Variants in AFF3 observed in about 807,000 individuals in gnomAD.
AFF3 encodes ALF transcription elongation factor 3, also known as AF4/FMR2 family member 3.
Under a neutral mutation model 129.7 loss-of-function variants are expected in AFF3, and 32 were observed. The ratio of observed to expected loss-of-function variants is 0.25; its 90% CI spans 0.19 to 0.33. The LOEUF (loss-of-function observed/expected upper bound fraction) is 0.33. AFF3 is among the 10% of genes least tolerant of loss of function. The pLI is 1.00. For synonymous variants in AFF3, 644 were observed against 635.4 expected, an observed-to-expected ratio of 1.01 and a Z score of -0.20; for missense variants, 1,373 against 1,592.0, an observed-to-expected ratio of 0.86 and a Z score of 2.34.
chr2:99,989,680 G>C (rs1022652648), intron 7 of AFF3, among the ~76,000 whole-genome samples: 1 of 152,062 alleles, frequency 6.6e-6, no homozygotes, highest in Admixed American at 6.6e-5. Context: ...GTGAATCATG[G>C]GCTCAGGTTT....
At chr2:99,713,962 A>G (rs1678147907) in intron 11 of AFF3, among the ~76,000 whole-genome samples, 1 of 152,098 alleles carries the variant, frequency 6.6e-6, no homozygotes, top group Admixed American at 6.5e-5. Flanking sequence ...CAGCCTCCCA[A>G]AGTGCTGGGA....
intron 12 of AFF3, among the ~76,000 whole-genome samples, chr2:99,653,891 T>C (rs2105672873): frequency 6.7e-6 from 1 of 149,602 alleles, no homozygotes; most frequent in Admixed American, 6.7e-5. Context: ...TTTTTTTTTT[T>C]TTTTTGAGAT....
At chr2:100,015,233 G>A (rs534379106) in intron 4 of AFF3, among the ~76,000 whole-genome samples, 1 of 152,234 alleles carries the variant, frequency 6.6e-6, no homozygotes, top group Admixed American at 6.5e-5. Flanking sequence ...AGCAGATTTG[G>A]TTTGGAGCAA....
chr2:100,075,785 T>C (rs1688540049), intron 4 of AFF3, among the ~76,000 whole-genome samples: 2 of 152,168 alleles, frequency 1.3e-5, no homozygotes, highest in African/African-American at 4.8e-5. Context: ...CACAGAATAT[T>C]ATATTTCAGT....
chr2:100,099,996 CTCTG>C (rs1240068739), intron 4 of AFF3, among the ~76,000 whole-genome samples: 1 of 131,932 alleles, frequency 7.6e-6, no homozygotes, highest in African/African-American at 2.9e-5. Flanking sequence ...GGTACCTCTC[CTCTG>C]TCTAATATTC....
At chr2:99,866,992 A>G (rs549997340) in intron 7 of AFF3, among the ~76,000 whole-genome samples, 1 of 108,546 alleles carries the variant, frequency 9.2e-6, no homozygotes, top group South Asian at 3.3e-4. Flanking sequence ...TAATAATAAT[A>G]ATAATAATAA....
At chr2:99,970,905 T>C (rs1678303296) in intron 7 of AFF3, among the ~76,000 whole-genome samples, 1 of 152,224 alleles carries the variant, frequency 6.6e-6, no homozygotes, top group African/African-American at 2.4e-5. Context: ...ACCTGGCTTC[T>C]CCATGCTCAC....
chr2:99,830,365 T>G (rs747914355), intron 8 of AFF3, among the ~76,000 whole-genome samples: 36 of 152,084 alleles, frequency 2.4e-4, no homozygotes, highest in Admixed American at 5.9e-4. Flanking sequence ...AATCAGTGAG[T>G]GACTGCAGTT....
rs1199859436 is a variant in AFF3 at position 99,593,899 on chromosome 2, T to G, written c.1762A>C (p.Thr588Pro). ...PARRSAGKKPTRRTERTSAGD... is the reference protein window; with the variant it reads ...PARRSAGKKPPRRTERTSAGD... ...GCTGAGGTCCTCTCGGTGCGCCTGG[T>G]GGGCTTCTTGCCCGCGGACCTCCGG... Residue 588 changes from threonine (T) to proline (P), a missense_variant, in exon 15 of 25, where the codon ACC becomes CCC. Thr to Pro is a conservative substitution (Grantham distance 38, BLOSUM62 -1). Transcript: ENST00000672756. 6.8e-7 allele frequency: 1 copy of G among 1,473,256 alleles called. No individual in the cohort carries two copies. Among genetic ancestry groups the G allele is most frequent in the Admixed American group, 2.6e-5 (1 of 37,836 alleles). The allele number at this position is 1,473,256 out of a possible 1,614,324, so 91.3% of individuals were successfully genotyped here.
chr2:99,560,555 C>CT, intron 20 of AFF3, 119 bp from the exon 21 acceptor site: 1 of 907,400 alleles, frequency 1.1e-6, no homozygotes. Context: ...TGATCCTTAG[C>CT]TTTTCATAGT....
chr2:99,850,415 C>T (rs901671425), intron 7 of AFF3, among the ~76,000 whole-genome samples: 5 of 152,104 alleles, frequency 3.3e-5, no homozygotes, highest in African/African-American at 4.8e-5. Flanking sequence ...CTGGATGCCT[C>T]GTGTTTTTAA....
intron 2 of AFF3, among the ~76,000 whole-genome samples, chr2:100,108,493 C>G (rs751698211): frequency 6.6e-6 from 1 of 152,156 alleles, no homozygotes; most frequent in Non-Finnish European, 1.5e-5. Context: ...ACAGTATCCT[C>G]TGGCGAAGAA....
At chr2:99,959,589 C>T (rs1677023759) in intron 7 of AFF3, among the ~76,000 whole-genome samples, 1 of 151,274 alleles carries the variant, frequency 6.6e-6, no homozygotes, top group African/African-American at 2.4e-5. Context: ...ATCTTCCTCA[C>T]AATCCCTCTG....
At chr2:100,083,421 C>G (rs1317680214) in intron 4 of AFF3, among the ~76,000 whole-genome samples, 10 of 152,184 alleles carry the variant, frequency 6.6e-5, no homozygotes, top group Admixed American at 2.0e-4. Flanking sequence ...ACCGCAAGCC[C>G]CTGCTGGTCC....
At chr2:99,751,213 C>T (rs895816299) in intron 9 of AFF3, among the ~76,000 whole-genome samples, 3 of 152,172 alleles carry the variant, frequency 2.0e-5, no homozygotes, top group Admixed American at 6.5e-5. Context: ...CCTGCCTCAG[C>T]CTCTCAAGTA....
rs981539152 is a variant in AFF3 at position 99,547,657 on chromosome 2, C to A, written c.*3817G>T. Reference sequence around the variant, plus strand: ...TAATTTTATAACAATTACTGCACTTCCAAGTTGATGCGAACACGCAGTGAC... The same window carrying A: ...TAATTTTATAACAATTACTGCACTTACAAGTTGATGCGAACACGCAGTGAC... On this transcript the variant is annotated 3_prime_UTR_variant, in exon 25 of 25. Transcript: ENST00000672756. The A allele has an allele frequency of 7.1e-5, 15 of 210,188 alleles. No homozygotes were observed. In the East Asian group the frequency reaches 1.1e-3, roughly 15 times the overall value. 13.0% of individuals were successfully genotyped at this position (210,188 alleles called of 1,614,324 possible). A position where few individuals can be genotyped will look rare whatever the true frequency, so the allele number is the denominator to read the frequency against.
intron 8 of AFF3, among the ~76,000 whole-genome samples, chr2:99,785,549 C>T (rs1253774243): frequency 1.3e-5 from 2 of 152,120 alleles, no homozygotes; most frequent in African/African-American, 2.4e-5. Context: ...TCTACATGAA[C>T]AATAAAAGGG....
rs779202800 is a variant in AFF3, at chr2:100,006,911, C to A, written c.594G>T (p.Arg198Ser). ...TGTGCTTGGCCGCCATGGCAGGTGGCCTCTCCTGGGTCTGAAGGCCCACCT... is the reference window on the plus strand; with the variant it reads ...TGTGCTTGGCCGCCATGGCAGGTGGACTCTCCTGGGTCTGAAGGCCCACCT... ...NVEVGLQTQE[R>S]PPAMAAKHSS... Residue 198 changes from arginine to serine, a missense_variant, in exon 7 of 25, where the codon AGG becomes AGT. Physicochemically the swap from Arg to Ser is moderately radical, Grantham distance 110 (BLOSUM62 -1). Transcript: ENST00000672756. The A allele has an allele frequency of 6.2e-7, 1 of 1,614,102 alleles. No individual in the cohort carries two copies. Among genetic ancestry groups the A allele is most frequent in the Non-Finnish European group, 8.5e-7 (1 of 1,180,016 alleles).
intron 8 of AFF3, among the ~76,000 whole-genome samples, chr2:99,763,585 G>T (rs375292565): frequency 6.6e-6 from 1 of 152,082 alleles, no homozygotes; most frequent in African/African-American, 2.4e-5. Flanking sequence ...GCATTTTGAT[G>T]GAAATACTAC....
Sources: allele counts gnomAD v4.1 joint callset (sites outside exome capture counted in the v4.1 genomes callset), GRCh38; gene constraint gnomAD v4.1.1; transcripts MANE v1.5; gene names NCBI Gene and HGNC (gene_info 2026-07-23, HGNC 2026-07-21).